The following LCORL variants were observed in gnomAD, a reference collection of about 807,000 sequenced individuals.
The protein encoded by LCORL is ligand dependent nuclear receptor corepressor like, also known as ligand-dependent nuclear receptor corepressor-like protein.
In LCORL, 41 loss-of-function variants were observed where a neutral mutation model predicts 141.8. That is an observed-to-expected ratio of 0.29 (90% CI 0.23 to 0.38). LCORL has a LOEUF of 0.38. Among genes scored for constraint, LCORL ranks in the 10% least tolerant of loss-of-function variants. The pLI is 1.00. For missense variants in LCORL, 1,759 were observed against 2,035.0 expected (o/e 0.86, Z 2.61); for synonymous variants, 618 against 694.1 (o/e 0.89, Z 1.72).
intron 4 of LCORL, chr4:17,912,040 C>T (rs1732636420): frequency 1.5e-6 from 1 of 668,052 alleles, no homozygotes; most frequent in Non-Finnish European, 2.8e-6. Flanking sequence ...AATCTGGGGG[C>T]ACCTGGAGAA....
chr4:17,955,196 G>C (rs1286281295), intron 4 of LCORL, among the ~76,000 whole-genome samples: 1 of 152,130 alleles, frequency 6.6e-6, no homozygotes, highest in Non-Finnish European at 1.5e-5. Context: ...AAAATCCAAA[G>C]GGTATAATTT....
chr4:17,992,676 TGACC>T (rs2109784259), intron 1 of LCORL, among the ~76,000 whole-genome samples: 1 of 152,320 alleles, frequency 6.6e-6, no homozygotes, highest in South Asian at 2.1e-4. Flanking sequence ...CTGATAACTT[TGACC>T]TCCATAACAA....
At chr4:17,998,369 C>T (rs1721243100) in intron 1 of LCORL, among the ~76,000 whole-genome samples, 1 of 151,994 alleles carries the variant, frequency 6.6e-6, no homozygotes, top group South Asian at 2.1e-4. Flanking sequence ...TTTTTAAAAG[C>T]TCTTTGGTCT....
intron 7 of LCORL, among the ~76,000 whole-genome samples, chr4:17,864,219 C>A (rs1442675591): frequency 6.6e-6 from 1 of 152,078 alleles, no homozygotes; most frequent in Non-Finnish European, 1.5e-5. Context: ...ATACTATAAA[C>A]CCTATAGAAG....
chr4:17,853,045 CTTGA>C (rs1560252530), intron 7 of LCORL, among the ~76,000 whole-genome samples: 1 of 128,564 alleles, frequency 7.8e-6, no homozygotes, highest in Non-Finnish European at 1.6e-5. Flanking sequence ...GTGCTAAAAG[CTTGA>C]TTTTTTTTTT....
At chr4:17,979,554 T>C (rs1358243336) in intron 1 of LCORL, among the ~76,000 whole-genome samples, 1 of 152,256 alleles carries the variant, frequency 6.6e-6, no homozygotes, top group Non-Finnish European at 1.5e-5. Flanking sequence ...TATTTTAAAA[T>C]CAGTGTTAAA....
At chr4:17,946,123 A>C (rs1384827473) in intron 4 of LCORL, among the ~76,000 whole-genome samples, 5 of 152,138 alleles carry the variant, frequency 3.3e-5, no homozygotes, top group Admixed American at 2.0e-4. Context: ...ATAACAAAAC[A>C]AAACCATGAA....
chr4:17,865,180 C>T (rs906484138), intron 7 of LCORL, among the ~76,000 whole-genome samples: 4 of 152,146 alleles, frequency 2.6e-5, no homozygotes, highest in Admixed American at 1.3e-4. Flanking sequence ...CTTCACTCAA[C>T]GGCAGTAGAA....
chr4:17,850,657 G>A (rs1723551771), intron 7 of LCORL, among the ~76,000 whole-genome samples: 1 of 151,104 alleles, frequency 6.6e-6, no homozygotes, highest in Non-Finnish European at 1.5e-5. Context: ...TGGAGAAATA[G>A]GAACACTTTG....
intron 7 of LCORL, among the ~76,000 whole-genome samples, chr4:17,858,830 G>A (rs1483551744): frequency 2.0e-5 from 3 of 152,004 alleles, no homozygotes; most frequent in Non-Finnish European, 4.4e-5. Context: ...TCCAAGCAGA[G>A]AAAACATAAA....
chr4:17,962,377 G>C (rs1441075532), intron 3 of LCORL, among the ~76,000 whole-genome samples: 1 of 151,872 alleles, frequency 6.6e-6, no homozygotes, highest in Non-Finnish European at 1.5e-5. Flanking sequence ...CCACTAATCT[G>C]ACCAAAATTG....
At chr4:17,935,282 T>C (rs1736660761) in intron 4 of LCORL, among the ~76,000 whole-genome samples, 1 of 151,946 alleles carries the variant, frequency 6.6e-6, no homozygotes, top group Non-Finnish European at 1.5e-5. Flanking sequence ...TAACCATTAC[T>C]TGCCATTATA....
At chr4:18,002,066 T>C (rs1388703295) in intron 1 of LCORL, among the ~76,000 whole-genome samples, 1 of 152,202 alleles carries the variant, frequency 6.6e-6, no homozygotes, top group Admixed American at 6.5e-5. Flanking sequence ...CAAATTATCA[T>C]GAGTGCTGAC....
In LCORL at chr4:17,915,535, C is replaced by T. The variant is rs536851339; in HGVS notation, c.431-6190G>A. ...TGAAAAGGTAGGTGTCACTTTCAAACCAGGAAGTGGCCTTTGGGAATAGTA... is the reference window on the plus strand; with the variant it reads ...TGAAAAGGTAGGTGTCACTTTCAAATCAGGAAGTGGCCTTTGGGAATAGTA... On this transcript the variant is annotated intron_variant, in intron 4 of 7. Coordinates refer to ENST00000635767, the Ensembl canonical transcript of LCORL. 2.0e-5 allele frequency among the ~76,000 whole-genome samples: 3 copies of T among 152,278 alleles called. No homozygotes were observed. The South Asian group carries it at 6.2e-4, about 32-fold the overall frequency.
At chr4:18,012,785 C>T (rs891810584) in intron 1 of LCORL, among the ~76,000 whole-genome samples, 1 of 152,072 alleles carries the variant, frequency 6.6e-6, no homozygotes. Flanking sequence ...CAGCTCTCAG[C>T]TTAATGAAAT....
exon 8 of LCORL, chr4:17,845,154 T>C (rs1722792043): frequency 6.6e-6 from 1 of 152,526 alleles, no homozygotes; most frequent in Non-Finnish European, 1.5e-5. Flanking sequence ...CAGACTTAGA[T>C]TTAAAATACA....
At chr4:17,993,185 G>A (rs1056541441) in intron 1 of LCORL, among the ~76,000 whole-genome samples, 3 of 152,112 alleles carry the variant, frequency 2.0e-5, no homozygotes, top group Admixed American at 1.3e-4. Context: ...TACAGTAGCT[G>A]AGAATATTTT....
At chr4:18,018,904 C>T (rs1725052847) in intron 1 of LCORL, among the ~76,000 whole-genome samples, 1 of 152,130 alleles carries the variant, frequency 6.6e-6, no homozygotes, top group South Asian at 2.1e-4. Flanking sequence ...TATATATTCA[C>T]ACATGTATAC....
At chr4:17,930,107 A>C (rs1735765959) in intron 4 of LCORL, among the ~76,000 whole-genome samples, 2 of 152,216 alleles carry the variant, frequency 1.3e-5, no homozygotes, top group Non-Finnish European at 2.9e-5. Context: ...GATAATAACA[A>C]GTATTGTGGA....
Sources: gnomAD v4.1 joint callset for allele counts (sites outside exome capture counted in the v4.1 genomes callset) on GRCh38, gnomAD v4.1.1 for gene constraint, MANE v1.5 for transcripts, NCBI Gene and HGNC (gene_info 2026-07-23, HGNC 2026-07-21) for gene names.